Variants in TET2 observed in about 807,000 individuals in gnomAD.
TET2 encodes the protein tet methylcytosine dioxygenase 2, also known as methylcytosine dioxygenase TET2.
A neutral mutation model predicts 142.9 loss-of-function variants in TET2; 299 were observed. The observed-to-expected ratio is 2.09, with a 90% CI of 1.90 to 2.30. The LOEUF is 2.30. Ranked by LOEUF, TET2 falls within the 30% of genes most tolerant of loss-of-function variation. The probability of loss-of-function intolerance (pLI) is 0.00; values close to 1 mark genes in which losing one functional copy is unlikely to be tolerated. For synonymous variants in TET2, 819 were observed against 849.0 expected (o/e 0.96, Z 0.61); for missense variants, 2,418 against 2,378.0 (o/e 1.02, Z -0.35).
chr4:105,233,509 C>A (rs1238600443), intron 2 of TET2, among the ~76,000 whole-genome samples: 1 of 151,076 alleles, frequency 6.6e-6, no homozygotes, highest in Non-Finnish European at 1.5e-5. Flanking sequence ...GTTGATAGAA[C>A]TTAGCAAGTG....
intron 2 of TET2, among the ~76,000 whole-genome samples, chr4:105,199,573 C>T (rs943470406): frequency 3.9e-5 from 6 of 152,122 alleles, no homozygotes; most frequent in African/African-American, 1.2e-4. Flanking sequence ...CAGGAGTACA[C>T]GTGCAGGTTT....
At chr4:105,262,947 G>A (rs1368497392) in intron 8 of TET2, among the ~76,000 whole-genome samples, 3 of 151,820 alleles carry the variant, frequency 2.0e-5, no homozygotes, top group African/African-American at 7.3e-5. Context: ...CAGCTACCCA[G>A]GAGACCAGGA....
In TET2 at chr4:105,204,212, A is replaced by G. The variant is rs1454299820; in HGVS notation, c.-47+13707A>G. 5.3e-4 allele frequency among the ~76,000 whole-genome samples: 72 copies of G among 135,334 alleles called. 1 individual carries two copies. Among genetic ancestry groups the G allele is most frequent in the Non-Finnish European group, 9.5e-5 (6 of 63,456 alleles). The allele number at this position is 135,334 out of a possible 152,430, so 88.8% of individuals were successfully genotyped here. On this transcript the variant is annotated intron_variant, in intron 2 of 10. Coordinates refer to ENST00000380013, the MANE Select transcript of TET2 (RefSeq NM_001127208.3). ...GACTCCGTCTCAAAAAACAAAAACA[A>G]ACCAAAAAAAAAAAAAATATATACA... is the stretch of plus-strand genomic sequence containing the variant.
At chr4:105,170,103 T>C (rs116729488) in intron 1 of TET2, among the ~76,000 whole-genome samples, 10 of 152,304 alleles carry the variant, frequency 6.6e-5, no homozygotes, top group Non-Finnish European at 1.0e-4. Context: ...TTTTTCCTAA[T>C]TCTGTGAAGA....
At chr4:105,171,790 A>G (rs1404739382) in intron 1 of TET2, 2 of 152,230 alleles carry the variant, frequency 1.3e-5, no homozygotes, top group Non-Finnish European at 2.9e-5. Flanking sequence ...AAACCTACAG[A>G]AACAGACTAT....
chr4:105,269,424 C>T (rs1415073958), intron 8 of TET2, among the ~76,000 whole-genome samples, 186 bp from the exon 9 acceptor site: 3 of 152,118 alleles, frequency 2.0e-5, no homozygotes, highest in Non-Finnish European at 4.4e-5. Context: ...CTCAATAACA[C>T]TATAAAATAA....
chr4:105,183,289 A>G (rs1212164746), intron 1 of TET2, among the ~76,000 whole-genome samples: 1 of 152,142 alleles, frequency 6.6e-6, no homozygotes, highest in Non-Finnish European at 1.5e-5. Flanking sequence ...CTTTGGAATC[A>G]ATAATAAGTA....
At chr4:105,260,762 G>A (rs1352448253) in intron 7 of TET2, among the ~76,000 whole-genome samples, 3 of 152,094 alleles carry the variant, frequency 2.0e-5, no homozygotes, top group Non-Finnish European at 4.4e-5. Context: ...TTTTTTAAAG[G>A]ATGTTTTCAA....
intron 2 of TET2, among the ~76,000 whole-genome samples, chr4:105,191,614 T>C (rs909812633): frequency 5.9e-5 from 9 of 152,164 alleles, no homozygotes; most frequent in African/African-American, 1.9e-4. Context: ...CCTGTATAGC[T>C]CTAATCTCTG....
intron 6 of TET2, among the ~76,000 whole-genome samples, chr4:105,247,714 C>CTTTTTTTTTT (rs1206510081): frequency 5.3e-3 from 346 of 65,242 alleles, no homozygotes; most frequent in Non-Finnish European, 6.6e-3. Flanking sequence ...TTTTTCTTTT[C>CTTTTTTTTTT]TTTTTTTTTT....
At chr4:105,269,879 G>C (rs1459385533) in intron 9 of TET2, 132 bp downstream of exon 9, 3 of 1,096,532 alleles carry the variant, frequency 2.7e-6, no homozygotes, top group Non-Finnish European at 3.9e-6. Context: ...GGCTGTGGAG[G>C]CCTCACAATC....
At chr4:105,230,882 G>T (rs1182992638) in intron 2 of TET2, among the ~76,000 whole-genome samples, 2 of 151,658 alleles carry the variant, frequency 1.3e-5, no homozygotes, top group Non-Finnish European at 2.9e-5. Context: ...CTTTTGGGGG[G>T]GTTTTATTTC....
intron 2 of TET2, among the ~76,000 whole-genome samples, chr4:105,233,277 G>C (rs939872566): frequency 1.6e-4 from 24 of 151,560 alleles, no homozygotes; most frequent in Admixed American, 3.3e-4. Context: ...TCAGCTACTT[G>C]GGAGGCTGAG....
At chr4:105,195,741 A>G (rs1726049258) in intron 2 of TET2, among the ~76,000 whole-genome samples, 1 of 152,142 alleles carries the variant, frequency 6.6e-6, no homozygotes, top group South Asian at 2.1e-4. Flanking sequence ...TTGATCTGTG[A>G]TTGATTGAAT....
intron 6 of TET2, among the ~76,000 whole-genome samples, chr4:105,255,405 A>T (rs1730072423): frequency 6.6e-6 from 1 of 152,224 alleles, no homozygotes; most frequent in South Asian, 2.1e-4. Flanking sequence ...CTTGACATAC[A>T]GTCCATCCTG....
At position 105,237,106 on chromosome 4, in the gene TET2, A is replaced by C; in HGVS notation, c.3164A>C (p.Lys1055Thr). Reference protein sequence around the residue: ...ALTLKSQKQVKVEMSGPVTVL... With the variant: ...ALTLKSQKQVTVEMSGPVTVL... ...ACTCTCAAATCACAGAAGCAAGTAA[A>C]AGTTGAAATGTCAGGGCCAGTCACA... Residue 1055 changes from lysine (K) to threonine (T), a missense_variant, in exon 3 of 11, where the codon AAA becomes ACA. Transcript: ENST00000380013. 1 of 1,614,088 alleles carries C rather than the reference A, an allele frequency of 6.2e-7. No individual in the cohort carries two copies. The highest frequency in any genetic ancestry group is 1.7e-5 in the Admixed American group (1 of 60,012).
intron 8 of TET2, among the ~76,000 whole-genome samples, chr4:105,265,463 A>G (rs1285035363): frequency 6.6e-6 from 1 of 152,218 alleles, no homozygotes; most frequent in Non-Finnish European, 1.5e-5. Context: ...GCATAAGTGT[A>G]ATTTCTAGCT....
intron 2 of TET2, among the ~76,000 whole-genome samples, chr4:105,231,944 C>G (rs1329257345): frequency 6.6e-6 from 1 of 152,064 alleles, no homozygotes; most frequent in East Asian, 1.9e-4. Context: ...AATTGCATGC[C>G]TTGGGGGTTT....
chr4:105,168,083 CCT>C (rs1446778281), intron 1 of TET2, among the ~76,000 whole-genome samples: 1 of 152,140 alleles, frequency 6.6e-6, no homozygotes, highest in Non-Finnish European at 1.5e-5. Flanking sequence ...GTGCAGTTTC[CCT>C]GTCATGGGTT....
Sources: allele counts gnomAD v4.1 joint callset (sites outside exome capture counted in the v4.1 genomes callset), GRCh38; gene constraint gnomAD v4.1.1; transcripts MANE v1.5; gene names NCBI Gene and HGNC (gene_info 2026-07-23, HGNC 2026-07-21).